ACER2: variants seen among roughly 807,000 people sequenced by gnomAD.
The protein encoded by ACER2 is alkCDase 2.
Under a neutral mutation model 34.7 loss-of-function variants are expected in ACER2, and 26 were observed. The observed-to-expected ratio is 0.75, with a 90% CI of 0.55 to 1.04. ACER2 has a LOEUF of 1.04. ACER2 is among the 50% of genes least tolerant of loss of function. The probability of loss-of-function intolerance (pLI) is 0.00; values close to 1 mark genes in which losing one functional copy is unlikely to be tolerated. For synonymous variants in ACER2, 138 were observed against 132.1 expected, an observed-to-expected ratio of 1.04 and a Z score of -0.31; for missense variants, 352 against 340.8, an observed-to-expected ratio of 1.03 and a Z score of -0.26.
At chr9:19,424,244 C>G (rs761942148) in intron 2 of ACER2, 14 of 547,238 alleles carry the variant, frequency 2.6e-5, no homozygotes, top group Non-Finnish European at 3.3e-5. Context: ...TGAAGAAAGT[C>G]AGGTGAAACA....
At chr9:19,430,074 CT>C (rs760141923) in intron 3 of ACER2, among the ~76,000 whole-genome samples, 9 of 152,006 alleles carry the variant, frequency 5.9e-5, no homozygotes, top group Non-Finnish European at 1.3e-4. Flanking sequence ...GAAATTATCA[CT>C]GCTTTAAAGA....
intron 3 of ACER2, among the ~76,000 whole-genome samples, chr9:19,433,090 A>T (rs1216406740): frequency 6.8e-6 from 1 of 148,130 alleles, no homozygotes; most frequent in Non-Finnish European, 1.5e-5. Flanking sequence ...AAAATATCTG[A>T]TTATTTCCTA....
At chr9:19,446,174 G>C (rs780480947) in intron 4 of ACER2, 107 bp from the exon 5 acceptor site, 1 of 1,493,124 alleles carries the variant, frequency 6.7e-7, no homozygotes. Context: ...TCAGTGTCTT[G>C]GGGTTGTAGG....
At chr9:19,419,992 C>T (rs1291703990) in intron 1 of ACER2, among the ~76,000 whole-genome samples, 1 of 152,192 alleles carries the variant, frequency 6.6e-6, no homozygotes, top group Non-Finnish European at 1.5e-5. Flanking sequence ...TACCCGCTCT[C>T]CTCCCCAGAT....
At chr9:19,434,546 G>A (rs1300027627) in intron 3 of ACER2, among the ~76,000 whole-genome samples, 2 of 152,234 alleles carry the variant, frequency 1.3e-5, no homozygotes, top group African/African-American at 2.4e-5. Flanking sequence ...CGAGGCTGGC[G>A]GATCACTCGC....
chr9:19,444,454 G>T (rs564366257), intron 4 of ACER2, among the ~76,000 whole-genome samples: 4 of 151,758 alleles, frequency 2.6e-5, no homozygotes, highest in Admixed American at 2.0e-4. Context: ...CCTCTGGTCC[G>T]CCCGCCTCGG....
At chr9:19,440,481 TCCCAGAGAGCTGCCTTGG>T in intron 4 of ACER2, among the ~76,000 whole-genome samples, 1 of 152,194 alleles carries the variant, frequency 6.6e-6, no homozygotes. Context: ...CTAAAAGAGG[TCCCAGAGAGCTGCCTTGG>T]CCCTTCTACC....
rs1831529471 is a variant in ACER2, at chr9:19,450,494, T to C, written c.686T>C (p.Phe229Ser). The change falls in exon 6 of 6, where the codon TTT becomes TCT. Residue 229 changes from phenylalanine to serine, a missense_variant. Transcript: ENST00000340967. ...CLAAYLGCVC[F>S]AYFDAASEIP... ...GCTGCCTACCTGGGCTGTGTATGCT[T>C]TGCCTACTTTGATGCTGCCTCAGAG... 6.2e-6 allele frequency: 10 copies of C among 1,611,998 alleles called. No individual in the cohort carries two copies. Among genetic ancestry groups the C allele is most frequent in the Admixed American group, 1.7e-5 (1 of 59,992 alleles).
chr9:19,436,211 C>T (rs915540916), intron 4 of ACER2, among the ~76,000 whole-genome samples: 3 of 152,092 alleles, frequency 2.0e-5, no homozygotes, highest in Non-Finnish European at 4.4e-5. Context: ...GCCACTGCAG[C>T]CAGCCTGCCC....
At position 19,450,481 on chromosome 9, in the gene ACER2, G is replaced by T; in HGVS notation, c.673G>T (p.Gly225Cys). The T allele has an allele frequency of 6.2e-7, 1 of 1,608,110 alleles. No individual in the cohort carries two copies. Among genetic ancestry groups the T allele is most frequent in the Non-Finnish European group, 8.5e-7 (1 of 1,175,306 alleles). Residue 225 changes from glycine (G) to cysteine (C), a missense_variant, in exon 6 of 6, where the codon GGC becomes TGC. Physicochemically the swap from Gly to Cys is radical, Grantham distance 159 (BLOSUM62 -3). Transcript: ENST00000340967. The part of the protein sequence containing the change: ...HILICLAAYL[G>C]CVCFAYFDAA... Reference sequence around the variant, plus strand: ...CCTCATCTGCCTTGCTGCCTACCTGGGCTGTGTATGCTTTGCCTACTTTGA... The same window carrying T: ...CCTCATCTGCCTTGCTGCCTACCTGTGCTGTGTATGCTTTGCCTACTTTGA...
At chr9:19,420,801 C>T (rs1830381888) in intron 1 of ACER2, among the ~76,000 whole-genome samples, 1 of 152,124 alleles carries the variant, frequency 6.6e-6, no homozygotes, top group Non-Finnish European at 1.5e-5. Flanking sequence ...CTCCCTGCTT[C>T]AAAGACGGAG....
intron 4 of ACER2, among the ~76,000 whole-genome samples, chr9:19,441,502 G>A (rs1458845191): frequency 6.6e-6 from 1 of 152,002 alleles, no homozygotes; most frequent in Non-Finnish European, 1.5e-5. Context: ...TTTCTTCTGG[G>A]GACCCTGCAC....
At chr9:19,415,427 G>A (rs1044265768) in intron 1 of ACER2, among the ~76,000 whole-genome samples, 4 of 151,910 alleles carry the variant, frequency 2.6e-5, no homozygotes, top group East Asian at 3.9e-4. Flanking sequence ...CCTGGGAGGC[G>A]GAGGTTGCAG....
chr9:19,425,755 A>T (rs1830539769), intron 3 of ACER2, among the ~76,000 whole-genome samples: 1 of 152,172 alleles, frequency 6.6e-6, no homozygotes, highest in South Asian at 2.1e-4. Flanking sequence ...CCCAATGAAG[A>T]TGAGAAACGC....
chr9:19,424,968 AAT>A, intron 3 of ACER2, 127 bp downstream of exon 3: 1 of 1,188,226 alleles, frequency 8.4e-7, no homozygotes, highest in Non-Finnish European at 1.2e-6. Flanking sequence ...ATACTTGTTC[AAT>A]ATCTACTGAT....
intron 3 of ACER2, among the ~76,000 whole-genome samples, chr9:19,430,322 A>C (rs997853606): frequency 6.6e-5 from 10 of 152,240 alleles, no homozygotes; most frequent in African/African-American, 2.4e-4. Flanking sequence ...TAGAGAATAC[A>C]GGAAGCAGTG....
chr9:19,430,693 C>G lies in ACER2; in HGVS notation c.366-4254C>G, dbSNP rs191646256. Among the ~76,000 whole-genome samples, 6 of 152,304 alleles carry G rather than the reference C, an allele frequency of 3.9e-5. No individual in the cohort carries two copies. In the East Asian group the frequency reaches 1.2e-3, roughly 29 times the overall value. On this transcript the variant is annotated intron_variant, in intron 3 of 5. Transcript: ENST00000340967. Reference sequence around the variant, plus strand: ...TGTTTTGCAGCTGGGTGCAGTAGCTCATGCCTGTAATCTCAGCACTTTGGG... The same window carrying G: ...TGTTTTGCAGCTGGGTGCAGTAGCTGATGCCTGTAATCTCAGCACTTTGGG...
At chr9:19,428,042 C>A (rs1330856054) in intron 3 of ACER2, among the ~76,000 whole-genome samples, 2 of 127,576 alleles carry the variant, frequency 1.6e-5, no homozygotes, top group African/African-American at 5.8e-5. Flanking sequence ...CCTTTCCTTT[C>A]CTTTCCTTTC....
chr9:19,417,047 T>C (rs1219073504), intron 1 of ACER2, among the ~76,000 whole-genome samples: 2 of 151,968 alleles, frequency 1.3e-5, no homozygotes, highest in African/African-American at 2.4e-5. Flanking sequence ...TACAAAATCA[T>C]TGTGTAAAAA....
Sources: allele counts gnomAD v4.1 joint callset (sites outside exome capture counted in the v4.1 genomes callset), GRCh38; gene constraint gnomAD v4.1.1; transcripts MANE v1.5; gene names NCBI Gene and HGNC (gene_info 2026-07-23, HGNC 2026-07-21).